The following TGFBRAP1 variants were observed in gnomAD, a reference collection of about 807,000 sequenced individuals.
The protein encoded by TGFBRAP1 is transforming growth factor beta receptor associated protein 1.
A neutral mutation model predicts 83.2 loss-of-function variants in TGFBRAP1; 20 were observed. That is an observed-to-expected ratio of 0.24 (90% CI 0.17 to 0.35). The LOEUF is 0.35. Ranked by LOEUF, TGFBRAP1 falls within the 10% of genes least tolerant of loss-of-function variation. The probability of loss-of-function intolerance (pLI) is 1.00; values close to 1 mark genes in which losing one functional copy is unlikely to be tolerated. For synonymous variants in TGFBRAP1, 415 were observed against 459.8 expected (o/e 0.90, Z 1.25); for missense variants, 950 against 1,099.4 (o/e 0.86, Z 1.92).
chr2:105,329,453 C>A (rs1294823130), intron 1 of TGFBRAP1, among the ~76,000 whole-genome samples, 172 bp downstream of exon 1: 2 of 147,872 alleles, frequency 1.4e-5, no homozygotes, highest in Non-Finnish European at 3.0e-5. Context: ...TAGCCACTTG[C>A]TCCCCCCACC....
intron 2 of TGFBRAP1, among the ~76,000 whole-genome samples, chr2:105,304,363 A>G (rs116680489): frequency 0.013 from 1,933 of 152,354 alleles, 54 homozygotes; most frequent in African/African-American, 0.045. Flanking sequence ...GTTTTCTACA[A>G]TAAAAAATTT....
rs1372150291 is a variant in TGFBRAP1 at position 105,264,543 on chromosome 2, T to G, written c.*2840A>C. On this transcript the variant is annotated 3_prime_UTR_variant, in exon 12 of 12. Transcript: ENST00000393359. ...GACCCAATCGGGACAAAGGATAAAG[T>G]TGCAAGGACAAAGGTTTCTGTGGGA... 1 of 152,268 alleles carries G rather than the reference T, an allele frequency of 6.6e-6. No homozygotes were observed. Among genetic ancestry groups the G allele is most frequent in the East Asian group, 1.9e-4 (1 of 5,204 alleles). 9.4% of individuals were successfully genotyped at this position (152,268 alleles called of 1,614,324 possible).
chr2:105,303,551 C>T (rs1373983464), intron 2 of TGFBRAP1, among the ~76,000 whole-genome samples: 1 of 152,240 alleles, frequency 6.6e-6, no homozygotes, highest in African/African-American at 2.4e-5. Context: ...CCAAGCACAT[C>T]ACATACATTT....
intron 3 of TGFBRAP1, 119 bp from the exon 4 acceptor site, chr2:105,296,629 T>C (rs966938732): frequency 5.3e-6 from 6 of 1,121,790 alleles, no homozygotes; most frequent in Non-Finnish European, 7.3e-6. Context: ...CATAGTTTTC[T>C]CAAAGGAATT....
At chr2:105,272,382 C>T (rs2576735) in intron 10 of TGFBRAP1, among the ~76,000 whole-genome samples, 118,013 of 152,100 alleles carry the variant, frequency 0.78, 45,892 homozygotes, top group Admixed American at 0.82. Context: ...GAGACTGAAG[C>T]CGTCAGAGGG....
At chr2:105,275,028 G>A (rs1415644691) in intron 8 of TGFBRAP1, among the ~76,000 whole-genome samples, 1 of 152,156 alleles carries the variant, frequency 6.6e-6, no homozygotes, top group African/African-American at 2.4e-5. Context: ...TTCACTGCCA[G>A]CATTTCTCAG....
Position 105,266,029 on chromosome 2 carries a change from A to T in TGFBRAP1, c.*1354T>A, listed in dbSNP as rs1676920278. ...TGATAGTAGTGGGTAGACTGCCTTT[A>T]TTGTTAGCCCCTAATAGAATCAGTC... On this transcript the variant is annotated 3_prime_UTR_variant, in exon 12 of 12. Coordinates refer to ENST00000393359, the MANE Select transcript of TGFBRAP1 (RefSeq NM_004257.6). The T allele has an allele frequency of 6.6e-6, 1 of 152,234 alleles. No homozygotes were observed. The highest frequency in any genetic ancestry group is 6.5e-5 in the Admixed American group (1 of 15,288). The allele number at this position is 152,234 out of a possible 1,614,324, so 9.4% of individuals were successfully genotyped here. A position where few individuals can be genotyped will look rare whatever the true frequency, so the allele number is the denominator to read the frequency against.
chr2:105,277,872 C>T (rs1291211167), intron 6 of TGFBRAP1, among the ~76,000 whole-genome samples: 1 of 152,150 alleles, frequency 6.6e-6, no homozygotes, highest in African/African-American at 2.4e-5. Context: ...TGGGCAACAA[C>T]ATAGTGAGAT....
intron 1 of TGFBRAP1, among the ~76,000 whole-genome samples, chr2:105,325,493 AG>A: frequency 6.6e-6 from 1 of 152,130 alleles, no homozygotes; most frequent in East Asian, 1.9e-4. Flanking sequence ...TTATTGATTG[AG>A]GGGAACAAGT....
chr2:105,305,067 T>C (rs1209309352), intron 2 of TGFBRAP1, among the ~76,000 whole-genome samples: 4 of 152,186 alleles, frequency 2.6e-5, no homozygotes, highest in Non-Finnish European at 4.4e-5. Context: ...ATATAAACTA[T>C]GGGCTTCGGG....
intron 10 of TGFBRAP1, among the ~76,000 whole-genome samples, chr2:105,270,507 T>C (rs1462991549): frequency 6.6e-6 from 1 of 152,242 alleles, no homozygotes; most frequent in Non-Finnish European, 1.5e-5. Context: ...GAGGCTCATC[T>C]GTTTTTACAT....
chr2:105,298,319 A>G (rs1678152134), intron 3 of TGFBRAP1, among the ~76,000 whole-genome samples, 192 bp downstream of exon 3: 1 of 152,094 alleles, frequency 6.6e-6, no homozygotes, highest in East Asian at 1.9e-4. Flanking sequence ...AAGCTTTTAT[A>G]CTGCCATAGC....
At chr2:105,290,897 T>A (rs1182591072) in intron 4 of TGFBRAP1, among the ~76,000 whole-genome samples, 1 of 151,814 alleles carries the variant, frequency 6.6e-6, no homozygotes, top group Non-Finnish European at 1.5e-5. Flanking sequence ...TCCCAACTAC[T>A]CGGGAGGCTG....
the TGFBRAP1 span, among the ~76,000 whole-genome samples, chr2:105,255,873 C>T: frequency 1.8e-4 from 28 of 152,214 alleles, 1 homozygote; most frequent in South Asian, 5.6e-3. Flanking sequence ...ACATTCCCCA[C>T]CCCTTCCTCT....
In TGFBRAP1 at chr2:105,284,321, G is replaced by T. The variant is rs755643035; in HGVS notation, c.1116C>A (p.Leu372=). The change falls in exon 5 of 12, where the codon CTC becomes CTA. Residue 372 remains leucine, a synonymous_variant. Coordinates refer to ENST00000393359, the MANE Select transcript of TGFBRAP1 (RefSeq NM_004257.6). The part of the protein sequence containing the change: ...AQLQFLEAKE[L]FRSGQLDVRE... ...CTACCAGCACCTCAAATTACCTGAAGAGCTCTTTAGCTTCCAGGAACTGAA... is the reference window on the plus strand; with the variant it reads ...CTACCAGCACCTCAAATTACCTGAATAGCTCTTTAGCTTCCAGGAACTGAA... The T allele has an allele frequency of 3.1e-6, 5 of 1,613,734 alleles. No homozygotes were observed. Among genetic ancestry groups the T allele is most frequent in the South Asian group, 1.1e-5 (1 of 91,038 alleles).
At chr2:105,264,272 G>C (rs1676850144), downstream of TGFBRAP1, 1 of 152,158 alleles carries the variant, frequency 6.6e-6, no homozygotes, top group Non-Finnish European at 1.5e-5. Flanking sequence ...TTCAGAAGCA[G>C]ACACGTTAAA....
chr2:105,258,846 G>A, the TGFBRAP1 span, among the ~76,000 whole-genome samples: 6 of 151,920 alleles, frequency 3.9e-5, no homozygotes, highest in South Asian at 2.1e-4. Context: ...ATCCTGGCAC[G>A]GCCATGGCAG....
chr2:105,254,783 G>A, the TGFBRAP1 span, among the ~76,000 whole-genome samples: 2 of 152,156 alleles, frequency 1.3e-5, no homozygotes, highest in African/African-American at 4.8e-5. Context: ...CTTAGGAGGT[G>A]AGGCCTTTGG....
chr2:105,284,996 A>G (rs1296669581), intron 4 of TGFBRAP1, among the ~76,000 whole-genome samples: 1 of 152,174 alleles, frequency 6.6e-6, no homozygotes, highest in Non-Finnish European at 1.5e-5. Context: ...TGTTACATCC[A>G]GCAATAGCAA....
Sources: gnomAD v4.1 joint callset for allele counts (sites outside exome capture counted in the v4.1 genomes callset) on GRCh38, gnomAD v4.1.1 for gene constraint, MANE v1.5 for transcripts, NCBI Gene and HGNC (gene_info 2026-07-23, HGNC 2026-07-21) for gene names.